MARCHF11: variants seen among roughly 807,000 people sequenced by gnomAD.
MARCHF11 encodes the protein E3 ubiquitin-protein ligase MARCHF11.
Under a neutral mutation model 37.3 loss-of-function variants are expected in MARCHF11, and 29 were observed. The ratio of observed to expected loss-of-function variants is 0.78; its 90% CI spans 0.58 to 1.06. MARCHF11 has a LOEUF of 1.06. Among genes scored for constraint, MARCHF11 ranks in the 50% least tolerant of loss-of-function variants. The pLI, the probability that MARCHF11 is intolerant of heterozygous loss-of-function variation, is 0.00. For synonymous variants in MARCHF11, 233 were observed against 228.0 expected (o/e 1.02, Z -0.20); for missense variants, 482 against 533.4 (o/e 0.90, Z 0.95).
intron 2 of MARCHF11, among the ~76,000 whole-genome samples, chr5:16,110,335 T>C (rs1375860548): frequency 6.6e-6 from 1 of 152,168 alleles, no homozygotes; most frequent in Non-Finnish European, 1.5e-5. Context: ...TCTATATTCA[T>C]AAAATTGTTT....
Position 16,137,986 on chromosome 5 carries a change from G to A in MARCHF11, c.693+39740C>T, listed in dbSNP as rs181456748. ...GGAATTGGAACTTATGTTTAAGAGC[G>A]AAGCAGAGCATAAAAGTTCAGGAAA... On this transcript the variant is annotated intron_variant, in intron 2 of 3. Transcript: ENST00000332432. Among the ~76,000 whole-genome samples the A allele has an allele frequency of 3.4e-4, 52 of 152,280 alleles. No individual in the cohort carries two copies. In the Middle Eastern group the frequency reaches 0.01, roughly 30 times the overall value.
intron 3 of MARCHF11, among the ~76,000 whole-genome samples, chr5:16,090,652 C>T (rs1465400186): frequency 6.6e-6 from 1 of 151,952 alleles, no homozygotes; most frequent in African/African-American, 2.4e-5. Flanking sequence ...TTAAGTTGCA[C>T]AATATCTCAC....
At chr5:16,111,497 T>C (rs1294774187) in intron 2 of MARCHF11, among the ~76,000 whole-genome samples, 1 of 152,118 alleles carries the variant, frequency 6.6e-6, no homozygotes. Context: ...GGGAGATGAT[T>C]TAGGGTATCT....
chr5:16,173,029 G>A (rs1005595202), intron 2 of MARCHF11, among the ~76,000 whole-genome samples: 2 of 152,184 alleles, frequency 1.3e-5, no homozygotes, highest in African/African-American at 4.8e-5. Flanking sequence ...GCTGCTGACA[G>A]CACATTAGAA....
chr5:16,073,883 C>G (rs1736475105), intron 3 of MARCHF11, among the ~76,000 whole-genome samples: 1 of 152,072 alleles, frequency 6.6e-6, no homozygotes, highest in Non-Finnish European at 1.5e-5. Context: ...ATAAACTGTA[C>G]CCTAGAACAG....
At chr5:16,130,128 A>T (rs1737490387) in intron 2 of MARCHF11, among the ~76,000 whole-genome samples, 1 of 152,126 alleles carries the variant, frequency 6.6e-6, no homozygotes, top group Non-Finnish European at 1.5e-5. Flanking sequence ...AAATACAGGT[A>T]AAATCTCATT....
chr5:16,160,588 T>C (rs970336795), intron 2 of MARCHF11, among the ~76,000 whole-genome samples: 1 of 151,530 alleles, frequency 6.6e-6, no homozygotes, highest in Non-Finnish European at 1.5e-5. Context: ...TGAGATCACA[T>C]GCTTTATATT....
intron 2 of MARCHF11, among the ~76,000 whole-genome samples, chr5:16,142,884 CTTTTTTTTTTTT>C (rs61225598): frequency 1.3e-4 from 7 of 52,212 alleles, no homozygotes; most frequent in African/African-American, 1.8e-4. Flanking sequence ...CCACACCTGG[CTTTTTTTTTTTT>C]TTTTTTTTTT....
intron 2 of MARCHF11, among the ~76,000 whole-genome samples, chr5:16,103,753 C>G (rs576866076): frequency 6.6e-6 from 1 of 152,252 alleles, no homozygotes; most frequent in East Asian, 1.9e-4. Context: ...CTGGCAGTTT[C>G]TGTTTCCCCT....
At chr5:16,088,672 A>T (rs1206370189) in intron 3 of MARCHF11, among the ~76,000 whole-genome samples, 3 of 152,206 alleles carry the variant, frequency 2.0e-5, no homozygotes, top group Non-Finnish European at 4.4e-5. Context: ...AAAAATTAAG[A>T]TATTCTCCAA....
At chr5:16,079,176 T>C (rs1437042685) in intron 3 of MARCHF11, among the ~76,000 whole-genome samples, 1 of 152,154 alleles carries the variant, frequency 6.6e-6, no homozygotes, top group Non-Finnish European at 1.5e-5. Context: ...TATTCATCCT[T>C]TGCCCCAGCC....
intron 3 of MARCHF11, among the ~76,000 whole-genome samples, chr5:16,089,912 T>C (rs1305993490): frequency 6.6e-6 from 1 of 152,236 alleles, no homozygotes; most frequent in Admixed American, 6.5e-5. Context: ...TGACCTGCCC[T>C]GGCAGAGGCC....
rs114289383 is a variant in MARCHF11 at position 16,077,852 on chromosome 5, C to T, written c.887-10059G>A. 8.7e-3 allele frequency among the ~76,000 whole-genome samples: 1,325 copies of T among 152,208 alleles called. 14 individuals are homozygous for T. The highest frequency in any genetic ancestry group is 0.03 in the African/African-American group (1,252 of 41,542). On this transcript the variant is annotated intron_variant, in intron 3 of 3. Transcript: ENST00000332432. ...TATGGTGTATTCCGTGTTTTCCATT[C>T]CCCTTAATAATGTTCCCTTTTGTTT...
intron 2 of MARCHF11, among the ~76,000 whole-genome samples, chr5:16,117,996 T>C (rs1737248579): frequency 6.6e-6 from 1 of 152,102 alleles, no homozygotes; most frequent in Non-Finnish European, 1.5e-5. Flanking sequence ...GGAACTATGT[T>C]TGGGAGTTGA....
chr5:16,160,784 TAAATG>T (rs1467850426), intron 2 of MARCHF11, among the ~76,000 whole-genome samples: 3 of 151,864 alleles, frequency 2.0e-5, no homozygotes, highest in African/African-American at 7.3e-5. Context: ...GCTTTTTAAG[TAAATG>T]GAACCTGGGT....
intron 3 of MARCHF11, among the ~76,000 whole-genome samples, chr5:16,068,982 A>G (rs556245730): frequency 1.2e-4 from 18 of 152,352 alleles, no homozygotes; most frequent in African/African-American, 3.8e-4. Flanking sequence ...ACCTTTGGGT[A>G]TATGCCCTAG....
intron 2 of MARCHF11, among the ~76,000 whole-genome samples, chr5:16,107,033 G>C (rs1425628514): frequency 6.6e-6 from 1 of 152,200 alleles, no homozygotes; most frequent in Non-Finnish European, 1.5e-5. Flanking sequence ...ATGTGGCTGG[G>C]CCCTGGCTGC....
intron 2 of MARCHF11, among the ~76,000 whole-genome samples, chr5:16,122,327 T>A (rs950506302): frequency 2.6e-5 from 4 of 152,150 alleles, no homozygotes; most frequent in Admixed American, 6.6e-5. Flanking sequence ...TGCTTCTCCA[T>A]GGTCTTCATT....
At chr5:16,114,168 T>C (rs1032051505) in intron 2 of MARCHF11, among the ~76,000 whole-genome samples, 2 of 152,266 alleles carry the variant, frequency 1.3e-5, no homozygotes, top group African/African-American at 2.4e-5. Flanking sequence ...TCTTTATTCA[T>C]CTGTTTACAG....
Sources: gnomAD v4.1 joint callset for allele counts (sites outside exome capture counted in the v4.1 genomes callset) on GRCh38, gnomAD v4.1.1 for gene constraint, MANE v1.5 for transcripts, NCBI Gene and HGNC (gene_info 2026-07-23, HGNC 2026-07-21) for gene names.